Variants in OTUD4 observed in about 807,000 individuals in gnomAD.
The protein encoded by OTUD4 is OTU domain-containing protein 4.
In OTUD4, 24 loss-of-function variants were observed where a neutral mutation model predicts 130.4. The observed-to-expected ratio is 0.18, with a 90% CI of 0.13 to 0.26. The LOEUF is 0.26. Ranked by LOEUF, OTUD4 falls within the 10% of genes least tolerant of loss-of-function variation. The pLI is 1.00. For synonymous variants in OTUD4, 420 were observed against 472.5 expected (o/e 0.89, Z 1.44); for missense variants, 1,031 against 1,329.4 (o/e 0.78, Z 3.49).
At chr4:145,159,305 T>C in intron 7 of OTUD4, 198 bp downstream of exon 7, 1 of 1,382,790 alleles carries the variant, frequency 7.2e-7, no homozygotes, top group Non-Finnish European at 9.3e-7. Flanking sequence ...ACACCAACTT[T>C]CAAAACAAAC....
chr4:145,161,537 G>A (rs957908153), intron 6 of OTUD4, among the ~76,000 whole-genome samples: 7 of 152,170 alleles, frequency 4.6e-5, no homozygotes, highest in African/African-American at 1.7e-4. Flanking sequence ...GAAACTGGTA[G>A]GAAGGGTCAC....
Position 145,134,822 on chromosome 4 carries a change from C to G in OTUD4, c.*2608G>C, listed in dbSNP as rs1750158905. On this transcript the variant is annotated 3_prime_UTR_variant, in exon 21 of 21. Coordinates refer to ENST00000447906, the MANE Select transcript of OTUD4 (RefSeq NM_001366057.1). ...CTGGAATCAAGTTCAGCCAAAGCAC[C>G]TAACACAAAAAACAGGTGAGCTTTG... 2.5e-6 allele frequency: 1 copy of G among 398,872 alleles called. No individual in the cohort carries two copies. Among genetic ancestry groups the G allele is most frequent in the Admixed American group, 4.4e-5 (1 of 22,726 alleles). The allele number at this position is 398,872 out of a possible 1,614,324, so 24.7% of individuals were successfully genotyped here. A position where few individuals can be genotyped will look rare whatever the true frequency, so the allele number is the denominator to read the frequency against.
In OTUD4 at chr4:145,172,510, CTTT is replaced by C. The variant is rs1192287915; in HGVS notation, c.244-793_244-791del. Among the ~76,000 whole-genome samples, 4 of 152,124 alleles carry C rather than the reference CTTT, an allele frequency of 2.6e-5. No homozygotes were observed. The East Asian group carries it at 7.7e-4, about 29-fold the overall frequency. On this transcript the variant is annotated intron_variant, in intron 2 of 20. Transcript: ENST00000447906. ...TATTCAAGCTGTGTAATAACACAACCTTTTTTATGTTTCTTTAATAGCAATCGC... is the reference window on the plus strand; with the variant it reads ...TATTCAAGCTGTGTAATAACACAACCTTTATGTTTCTTTAATAGCAATCGC...
chr4:145,174,500 G>A (rs1306438813), intron 2 of OTUD4, among the ~76,000 whole-genome samples, 161 bp downstream of exon 2: 3 of 152,032 alleles, frequency 2.0e-5, no homozygotes, highest in Admixed American at 2.0e-4. Flanking sequence ...CAACATAACT[G>A]AATATAACTA....
At chr4:145,163,750 G>A (rs1464329995) in intron 5 of OTUD4, among the ~76,000 whole-genome samples, 9 of 145,076 alleles carry the variant, frequency 6.2e-5, no homozygotes, top group African/African-American at 2.1e-4. Context: ...CTTGATCCCC[G>A]GGCTGAAGTG....
chr4:145,144,478 C>A (rs1194816771), intron 14 of OTUD4, 44 bp from the exon 15 acceptor site: 1 of 1,579,844 alleles, frequency 6.3e-7, no homozygotes, highest in South Asian at 1.2e-5. Context: ...AAAGATTTAC[C>A]CACAGATACA....
intron 2 of OTUD4, 59 bp downstream of exon 2, chr4:145,174,601 TA>T: frequency 1.0e-6 from 1 of 984,700 alleles, no homozygotes; most frequent in Non-Finnish European, 1.6e-6. Context: ...AGAACACTTC[TA>T]AAAGCCAAAA....
intron 3 of OTUD4, 29 bp downstream of exon 3, chr4:145,171,641 T>C: frequency 1.0e-6 from 1 of 964,180 alleles, no homozygotes; most frequent in South Asian, 1.4e-5. Context: ...TATATAAAAA[T>C]AGAAATATAC....
chr4:145,173,264 G>A (rs1460392785), intron 2 of OTUD4, among the ~76,000 whole-genome samples: 3 of 152,094 alleles, frequency 2.0e-5, no homozygotes, highest in Non-Finnish European at 4.4e-5. Context: ...GATGGTGCCA[G>A]GCACCTGTAG....
rs1752633405 is a variant in OTUD4, at chr4:145,180,325, TTCC to T, written c.-355_-353del. The stretch of plus-strand genomic sequence containing the variant: ...GCCGGGGGTCGCCGCCCCCACAAGT[TTCC>T]TCCTCCGTACCGGTGTGAAGCGAGA... On this transcript the variant is annotated 5_prime_UTR_variant, in exon 1 of 21. Coordinates refer to ENST00000447906, the MANE Select transcript of OTUD4 (RefSeq NM_001366057.1). 6.6e-6 allele frequency among the ~76,000 whole-genome samples: 1 copy of T among 151,490 alleles called. No individual in the cohort carries two copies. Among genetic ancestry groups the T allele is most frequent in the South Asian group, 2.1e-4 (1 of 4,796 alleles).
chr4:145,168,565 G>C (rs1355814097), intron 3 of OTUD4, among the ~76,000 whole-genome samples: 1 of 152,038 alleles, frequency 6.6e-6, no homozygotes, highest in Non-Finnish European at 1.5e-5. Context: ...AAAAACCTAT[G>C]AACAGACATT....
intron 19 of OTUD4, 134 bp from the exon 20 acceptor site, chr4:145,140,125 T>C (rs978837408): frequency 2.8e-6 from 1 of 352,922 alleles, no homozygotes; most frequent in African/African-American, 2.2e-5. Context: ...ATACAAAACA[T>C]AGATAAAAAC....
At position 145,152,623 on chromosome 4, in the gene OTUD4, G is replaced by A; in HGVS notation, c.886C>T (p.His296Tyr). 6.2e-7 allele frequency: 1 copy of A among 1,603,028 alleles called. No individual in the cohort carries two copies. Among genetic ancestry groups the A allele is most frequent in the East Asian group, 2.2e-5 (1 of 44,758 alleles). Residue 296 changes from histidine (H) to tyrosine (Y), a missense_variant, in exon 11 of 21, where the codon CAC (histidine) becomes TAC (tyrosine). By Grantham distance (83) the His-to-Tyr change is moderately conservative (BLOSUM62 2). Around this residue, in one of 3 missense-constraint regions of OTUD4, gnomAD observed 900 missense variants for 1,095.9 expected, o/e 0.82. Coordinates refer to ENST00000447906, the MANE Select transcript of OTUD4 (RefSeq NM_001366057.1). ...TCTGCATTCAAAAATTTTCCATTGT[G>A]ATCCAACCTAACCTGTTAAAAATTC... ...VGDKCQVRLD[H>Y]NGKFLNADVQ...
chr4:145,151,266 G>A (rs928940863), intron 11 of OTUD4, among the ~76,000 whole-genome samples: 1 of 152,186 alleles, frequency 6.6e-6, no homozygotes, highest in Non-Finnish European at 1.5e-5. Flanking sequence ...GAGAAATGGT[G>A]TGATGTTTGG....
At chr4:145,178,803 A>G (rs1257023110) in intron 1 of OTUD4, among the ~76,000 whole-genome samples, 1 of 152,214 alleles carries the variant, frequency 6.6e-6, no homozygotes, top group South Asian at 2.1e-4. Flanking sequence ...TAGAAATTTT[A>G]AAAGTTATTT....
chr4:145,177,171 T>C (rs1233644799), intron 1 of OTUD4, among the ~76,000 whole-genome samples: 3 of 152,202 alleles, frequency 2.0e-5, no homozygotes, highest in African/African-American at 7.2e-5. Flanking sequence ...TAAACCACAG[T>C]GTCATCTGAT....
intron 3 of OTUD4, among the ~76,000 whole-genome samples, chr4:145,166,470 T>C (rs1437022407): frequency 6.6e-6 from 1 of 151,604 alleles, no homozygotes; most frequent in Non-Finnish European, 1.5e-5. Context: ...TGTAAAATAA[T>C]GATGTCACTG....
intron 5 of OTUD4, among the ~76,000 whole-genome samples, chr4:145,163,157 T>A (rs1751665868): frequency 6.6e-6 from 1 of 152,204 alleles, no homozygotes; most frequent in Non-Finnish European, 1.5e-5. Flanking sequence ...ATTGATTTTG[T>A]TTAGAATATA....
At chr4:145,152,481 G>T in intron 11 of OTUD4, 60 bp downstream of exon 11, 1 of 890,342 alleles carries the variant, frequency 1.1e-6, no homozygotes, top group Non-Finnish European at 1.8e-6. Flanking sequence ...ATTTTAAAAT[G>T]CTCATGATTA....
Sources: allele counts gnomAD v4.1 joint callset (sites outside exome capture counted in the v4.1 genomes callset), GRCh38; gene constraint gnomAD v4.1.1; regional missense constraint gnomAD v4.1.1; transcripts MANE v1.5; gene names NCBI Gene and HGNC (gene_info 2026-07-23, HGNC 2026-07-21).